The following EIF3B variants were observed in gnomAD, a reference collection of about 807,000 sequenced individuals.
The protein encoded by EIF3B is eukaryotic translation initiation factor 3 subunit B.
Under a neutral mutation model 104.6 loss-of-function variants are expected in EIF3B, and 10 were observed. That is an observed-to-expected ratio of 0.10 (90% CI 0.06 to 0.16). The LOEUF (loss-of-function observed/expected upper bound fraction) is 0.16. Among genes scored for constraint, EIF3B ranks in the 10% least tolerant of loss-of-function variants. The probability of loss-of-function intolerance (pLI) is 1.00; values close to 1 mark genes in which losing one functional copy is unlikely to be tolerated. For missense variants in EIF3B, 1,014 were observed against 1,087.9 expected, an observed-to-expected ratio of 0.93 and a Z score of 0.96; for synonymous variants, 542 against 417.2, an observed-to-expected ratio of 1.30 and a Z score of -3.65.
intron 14 of EIF3B, 99 bp from the exon 15 acceptor site, chr7:2,376,851 C>A: frequency 6.6e-7 from 1 of 1,505,624 alleles, no homozygotes; most frequent in Non-Finnish European, 9.0e-7. Flanking sequence ...TTGCTTCACA[C>A]GTGTCCCCGA....
At position 2,354,913 on chromosome 7, in the gene EIF3B, G is replaced by A. The variant is rs1779303909; in HGVS notation, c.-9G>A. The A allele has an allele frequency of 2.5e-6, 3 of 1,218,620 alleles. No homozygotes were observed. Among genetic ancestry groups the A allele is most frequent in the Non-Finnish European group, 2.1e-6 (2 of 973,002 alleles). The allele number at this position is 1,218,620 out of a possible 1,614,324, so 75.5% of individuals were successfully genotyped here. ...CCGCGGAGCCCTGCGAGTAGGCAGC[G>A]TTGGGCCCATGCAGGACGCGGAGAA... is the stretch of plus-strand genomic sequence containing the variant. On this transcript the variant is annotated 5_prime_UTR_variant, in exon 1 of 19. Coordinates refer to ENST00000360876, the MANE Select transcript of EIF3B (RefSeq NM_001037283.2).
intron 1 of EIF3B, among the ~76,000 whole-genome samples, chr7:2,357,742 A>C (rs1223528218): frequency 6.6e-6 from 1 of 152,176 alleles, no homozygotes; most frequent in Non-Finnish European, 1.5e-5. Flanking sequence ...TTGGGCTGAG[A>C]GTGATCAAGG....
chr7:2,379,092 C>T lies in EIF3B; in HGVS notation c.2233-42C>T, dbSNP rs566005274. On this transcript the variant is annotated intron_variant, in intron 16 of 18. Transcript: ENST00000360876. The stretch of plus-strand genomic sequence containing the variant: ...GTGGGCTCTTCGCGATGGGGAGGCA[C>T]TTGTCTTACCAGTTCTGTGCTTTCC... The T allele has an allele frequency of 1.9e-4, 298 of 1,577,182 alleles. No individual in the cohort carries two copies. The South Asian group carries it at 3.2e-3, about 17-fold the overall frequency.
At chr7:2,371,901 A>T in intron 11 of EIF3B, 52 bp downstream of exon 11, 1 of 1,452,036 alleles carries the variant, frequency 6.9e-7, no homozygotes, top group Non-Finnish European at 9.7e-7. Flanking sequence ...GTGCTGTTTT[A>T]CTCTTGGCTT....
At chr7:2,373,696 G>GT (rs1780480778) in intron 12 of EIF3B, 1 of 152,162 alleles carries the variant, frequency 6.6e-6, no homozygotes, top group South Asian at 2.1e-4. Flanking sequence ...AGAGACTTGT[G>GT]TAAGTCTTCT....
At chr7:2,368,301 G>A (rs936792918) in intron 9 of EIF3B, among the ~76,000 whole-genome samples, 6 of 151,322 alleles carry the variant, frequency 4.0e-5, no homozygotes, top group Admixed American at 6.6e-5. Context: ...CAACCACTAC[G>A]CCCAGCTAAT....
rs775152350 is a variant in EIF3B at position 2,366,979 on chromosome 7, C to A, written c.1357-20C>A. 6.2e-6 allele frequency: 10 copies of A among 1,609,852 alleles called. No homozygotes were observed. In the South Asian group the frequency reaches 1.1e-4, roughly 18 times the overall value. ...CTGACATGATTTGACTCAACTGCAG[C>A]CTTCCTTTTTTTTGGGCAGTCTATG... On this transcript the variant is annotated intron_variant, in intron 8 of 18. Transcript: ENST00000360876.
In EIF3B at chr7:2,355,071, C is replaced by G. The variant is rs1248317640; in HGVS notation, c.150C>G (p.Ala50=). The change falls in exon 1 of 19, where the codon GCC becomes GCG. Residue 50 remains alanine (A), a synonymous_variant. Coordinates refer to ENST00000360876, the MANE Select transcript of EIF3B (RefSeq NM_001037283.2). ...CTCCGGAGGCCGCGGGGACCGAGGC[C>G]TCCAGTGAGGAGGTGGGGATCGCGG... is the stretch of plus-strand genomic sequence containing the variant. ...PGAPEAAGTE[A]SSEEVGIAEA... 7 of 1,271,438 alleles carry G rather than the reference C, an allele frequency of 5.5e-6. No individual in the cohort carries two copies. In the South Asian group the frequency reaches 1.5e-4, roughly 28 times the overall value. The allele number at this position is 1,271,438 out of a possible 1,614,324, so 78.8% of individuals were successfully genotyped here.
At chr7:2,362,619 T>G (rs1374981482) in intron 2 of EIF3B, 26 bp from the exon 3 acceptor site, 4 of 1,613,912 alleles carry the variant, frequency 2.5e-6, no homozygotes, top group Non-Finnish European at 3.4e-6. Context: ...AGTGTGGGTA[T>G]GTGCCAACGG....
intron 12 of EIF3B, chr7:2,374,280 C>T (rs1164592352): frequency 2.5e-6 from 1 of 396,654 alleles, no homozygotes; most frequent in African/African-American, 2.0e-5. Context: ...GTCCAGTTAC[C>T]TCAGGAAATA....
At chr7:2,374,806 T>G (rs1015254038) in intron 13 of EIF3B, 200 bp downstream of exon 13, 4 of 467,864 alleles carry the variant, frequency 8.5e-6, no homozygotes, top group African/African-American at 7.8e-5. Context: ...CCGCACAGAG[T>G]GAAATAAGCG....
At chr7:2,378,879 A>G (rs1780836127) in intron 16 of EIF3B, 113 bp downstream of exon 16, 1 of 984,340 alleles carries the variant, frequency 1.0e-6, no homozygotes, top group African/African-American at 1.6e-5. Flanking sequence ...CTCCGAAGAC[A>G]CTGGTTCTGT....
chr7:2,364,348 C>T (rs757424003), intron 5 of EIF3B, 24 bp from the exon 6 acceptor site: 22 of 1,566,094 alleles, frequency 1.4e-5, no homozygotes, highest in Middle Eastern at 1.7e-4. Flanking sequence ...GTTGTATTAA[C>T]GTTGGCACTG....
At chr7:2,360,650 G>A in intron 1 of EIF3B, 60 bp from the exon 2 acceptor site, 1 of 1,380,566 alleles carries the variant, frequency 7.2e-7, no homozygotes, top group Non-Finnish European at 1.0e-6. Context: ...AGTGTGCTCA[G>A]TTAATGTATT....
Position 2,371,787 on chromosome 7 carries a change from C to T in EIF3B, c.1625C>T (p.Thr542Ile). 1 of 1,613,686 alleles carries T rather than the reference C, an allele frequency of 6.2e-7. No homozygotes were observed. The highest frequency in any genetic ancestry group is 8.5e-7 in the Non-Finnish European group (1 of 1,179,716). Reference protein sequence around the residue: ...RTPKGTQGVVTNFEIFRMREK... With the variant: ...RTPKGTQGVVINFEIFRMREK... ...CTTTTTTTTAAACAGGGTGTTGTCA[C>T]AAATTTTGAAATTTTCCGAATGAGG... Residue 542 changes from threonine to isoleucine, a missense_variant, in exon 11 of 19, where the codon ACA (threonine) becomes ATA (isoleucine). Coordinates refer to ENST00000360876, the MANE Select transcript of EIF3B (RefSeq NM_001037283.2).
At chr7:2,369,770 T>G in intron 10 of EIF3B, 88 bp downstream of exon 10, 2 of 100,490 alleles carry the variant, frequency 2.0e-5, no homozygotes, top group South Asian at 1.3e-4. Context: ...AATGGATTTT[T>G]TTTTTTTTTT....
chr7:2,364,259 C>G (rs1431324225), intron 5 of EIF3B, 113 bp from the exon 6 acceptor site: 1 of 696,176 alleles, frequency 1.4e-6, no homozygotes, highest in Non-Finnish European at 2.0e-6. Flanking sequence ...GACTCCGTCT[C>G]AAAAAAAAAA....
intron 10 of EIF3B, among the ~76,000 whole-genome samples, chr7:2,370,879 A>G (rs561226252): frequency 2.6e-4 from 39 of 152,154 alleles, no homozygotes; most frequent in African/African-American, 9.4e-4. Context: ...TCGAGGGTTT[A>G]GTAGAAACCC....
At chr7:2,364,937 C>G (rs187155702) in intron 6 of EIF3B, among the ~76,000 whole-genome samples, 1 of 152,350 alleles carries the variant, frequency 6.6e-6, no homozygotes, top group East Asian at 1.9e-4. Context: ...AGTTCAGGAT[C>G]TAGTCTAAGG....
Sources: allele counts gnomAD v4.1 joint callset (sites outside exome capture counted in the v4.1 genomes callset), GRCh38; gene constraint gnomAD v4.1.1; transcripts MANE v1.5; gene names NCBI Gene and HGNC (gene_info 2026-07-23, HGNC 2026-07-21).